ROBO3: variants seen among roughly 807,000 people sequenced by gnomAD.
The protein encoded by ROBO3 is roundabout homolog 3.
A neutral mutation model predicts 160.5 loss-of-function variants in ROBO3; 97 were observed. The ratio of observed to expected loss-of-function variants is 0.60; its 90% CI spans 0.51 to 0.72. ROBO3 has a LOEUF of 0.72. ROBO3 is among the 30% of genes least tolerant of loss of function. The pLI, the probability that ROBO3 is intolerant of heterozygous loss-of-function variation, is 0.00. For missense variants in ROBO3, 1,858 were observed against 1,846.5 expected, an observed-to-expected ratio of 1.01 and a Z score of -0.11; for synonymous variants, 780 against 746.2, an observed-to-expected ratio of 1.05 and a Z score of -0.74.
In ROBO3 at chr11:124,876,037, G is replaced by A. The variant is rs2135334972; in HGVS notation, c.2505G>A (p.Leu835=). Residue 835 remains leucine (L), a synonymous_variant, in exon 16 of 28, where the codon CTG becomes CTA. Transcript: ENST00000397801. This position sits in a 1 kb window ranked among gnomAD's most constrained non-coding sequence, Gnocchi z 5.3. ...CACGCTCCGCAATGCTCCGAGGACT[G>A]GTGCCCGGTCTCCTCTATCGAACCC... ...GWARSAMLRG[L]VPGLLYRTLV... is the part of the protein sequence containing the mutation. The A allele has an allele frequency of 6.2e-7, 1 of 1,607,148 alleles. No homozygotes were observed. The highest frequency in any genetic ancestry group is 8.5e-7 in the Non-Finnish European group (1 of 1,177,536).
intron 15 of ROBO3, 55 bp downstream of exon 15, chr11:124,875,740 G>A (rs2135334329): frequency 1.3e-6 from 2 of 1,554,068 alleles, no homozygotes; most frequent in Non-Finnish European, 8.7e-7. Context: ...GGGAGAGGGA[G>A]GACCTAGTGG....
Position 124,872,794 on chromosome 11 carries a change from G to A in ROBO3, c.1331-90G>A. 8.6e-7 allele frequency: 1 copy of A among 1,165,120 alleles called. No homozygotes were observed. Among genetic ancestry groups the A allele is most frequent in the Middle Eastern group, 3.0e-4 (1 of 3,354 alleles). The allele number at this position is 1,165,120 out of a possible 1,614,324, so 72.2% of individuals were successfully genotyped here. A position where few individuals can be genotyped will look rare whatever the true frequency, so the allele number is the denominator to read the frequency against. On this transcript the variant is annotated intron_variant, in intron 8 of 27. Coordinates refer to ENST00000397801, the MANE Select transcript of ROBO3 (RefSeq NM_022370.4). The surrounding 1 kb of genome is among the most constrained non-coding windows in gnomAD (Gnocchi z 4.3). ...CCGGAAGTTTCAGGGGCTGGGGTAGGGAGGGTGAAGGAGCAGAGAATGAGG... is the reference window on the plus strand; with the variant it reads ...CCGGAAGTTTCAGGGGCTGGGGTAGAGAGGGTGAAGGAGCAGAGAATGAGG...
chr11:124,866,922 T>C (rs1289797634), intron 1 of ROBO3, among the ~76,000 whole-genome samples: 1 of 152,144 alleles, frequency 6.6e-6, no homozygotes, highest in Non-Finnish European at 1.5e-5. Context: ...AGATCCCTTC[T>C]CGCTGGCACC....
chr11:124,869,417 C>T lies in ROBO3; in HGVS notation c.488-33C>T. 1 of 1,516,412 alleles carries T rather than the reference C, an allele frequency of 6.6e-7. No individual in the cohort carries two copies. The highest frequency in any genetic ancestry group is 8.9e-7 in the Non-Finnish European group (1 of 1,117,324). 93.9% of individuals were successfully genotyped at this position (1,516,412 alleles called of 1,614,324 possible). ...CTCAGCCAGTTATGTCACTCTACACCCTGCTTATTTCGCCCCCCACCGCCC... is the reference window on the plus strand; with the variant it reads ...CTCAGCCAGTTATGTCACTCTACACTCTGCTTATTTCGCCCCCCACCGCCC... On this transcript the variant is annotated intron_variant, in intron 2 of 27. Transcript: ENST00000397801. This position sits in a 1 kb window ranked among gnomAD's most constrained non-coding sequence, Gnocchi z 4.2.
In ROBO3 at chr11:124,872,692, A is replaced by G. The variant is rs1565311191; in HGVS notation, c.1330+140A>G. The G allele has an allele frequency of 1.9e-6, 2 of 1,036,938 alleles. No homozygotes were observed. Among genetic ancestry groups the G allele is most frequent in the East Asian group, 2.6e-5 (1 of 38,220 alleles). 64.2% of individuals were successfully genotyped at this position (1,036,938 alleles called of 1,614,324 possible). On this transcript the variant is annotated intron_variant, in intron 8 of 27. Coordinates refer to ENST00000397801, the MANE Select transcript of ROBO3 (RefSeq NM_022370.4). The surrounding 1 kb of genome is among the most constrained non-coding windows in gnomAD (Gnocchi z 4.3). ...CTGAGGCATGACCTTGAAGTTTGGA[A>G]ACCAGCAGCAGAAGCCACTAATAAT...
At position 124,878,923 on chromosome 11, in the gene ROBO3, A is replaced by G. The variant is rs543755680; in HGVS notation, c.3533+127A>G. The G allele has an allele frequency of 3.4e-6, 3 of 880,736 alleles. No individual in the cohort carries two copies. The South Asian group carries it at 5.0e-5, about 15-fold the overall frequency. 54.6% of individuals were successfully genotyped at this position (880,736 alleles called of 1,614,324 possible). A position where few individuals can be genotyped will look rare whatever the true frequency, so the allele number is the denominator to read the frequency against. ...GGTACAGAGGTCTCAGGGCTGTGTC[A>G]GGGTGGAAGTGTAATTTGGGCAGGA... On this transcript the variant is annotated intron_variant, in intron 23 of 27. Coordinates refer to ENST00000397801, the MANE Select transcript of ROBO3 (RefSeq NM_022370.4). The surrounding 1 kb of genome is among the most constrained non-coding windows in gnomAD (Gnocchi z 4.3).
At position 124,876,247 on chromosome 11, in the gene ROBO3, C is replaced by T. The variant is rs769400132; in HGVS notation, c.2594-28C>T. 3.3e-6 allele frequency: 5 copies of T among 1,493,754 alleles called. No homozygotes were observed. In the African/African-American group the frequency reaches 7.0e-5, roughly 21 times the overall value. The allele number at this position is 1,493,754 out of a possible 1,614,324, so 92.5% of individuals were successfully genotyped here. A position where few individuals can be genotyped will look rare whatever the true frequency, so the allele number is the denominator to read the frequency against. ...CCCAGTTCCAGGGTTTCGGGCCCCT[C>T]CTCCCCTCACTTCTCTGACCCCCAC... On this transcript the variant is annotated intron_variant, in intron 16 of 27. Coordinates refer to ENST00000397801, the MANE Select transcript of ROBO3 (RefSeq NM_022370.4). The surrounding 1 kb of genome is among the most constrained non-coding windows in gnomAD (Gnocchi z 5.3).
chr11:124,874,357 C>G (rs1164102909), intron 12 of ROBO3, 121 bp downstream of exon 12: 1 of 916,840 alleles, frequency 1.1e-6, no homozygotes, highest in Non-Finnish European at 1.6e-6. Flanking sequence ...CAGGTCTATA[C>G]TGGTGGCCCG....
chr11:124,880,251 G>C (rs1359791154), intron 26 of ROBO3, among the ~76,000 whole-genome samples, 167 bp from the exon 27 acceptor site: 3 of 152,228 alleles, frequency 2.0e-5, no homozygotes, highest in Non-Finnish European at 4.4e-5. Flanking sequence ...ATGATGTCAA[G>C]GCCATGTGCC....
rs527533899 is a variant in ROBO3, at chr11:124,870,081, A to C, written c.766+13A>C. On this transcript the variant is annotated intron_variant, in intron 4 of 27. Coordinates refer to ENST00000397801, the MANE Select transcript of ROBO3 (RefSeq NM_022370.4). Reference sequence around the variant, plus strand: ...GTCATGGTACTGGGTAGGCACAGGGAATTTTGACATTATGGGAACAGGTAG... The same window carrying C: ...GTCATGGTACTGGGTAGGCACAGGGCATTTTGACATTATGGGAACAGGTAG... 6.2e-7 allele frequency: 1 copy of C among 1,613,830 alleles called. No homozygotes were observed. Among genetic ancestry groups the C allele is most frequent in the African/African-American group, 1.3e-5 (1 of 74,994 alleles).
chr11:124,869,272 T>G lies in ROBO3; in HGVS notation c.487+144T>G. 1 of 1,119,188 alleles carries G rather than the reference T, an allele frequency of 8.9e-7. No individual in the cohort carries two copies. The allele number at this position is 1,119,188 out of a possible 1,614,324, so 69.3% of individuals were successfully genotyped here. On this transcript the variant is annotated intron_variant, in intron 2 of 27. Coordinates refer to ENST00000397801, the MANE Select transcript of ROBO3 (RefSeq NM_022370.4). The surrounding 1 kb of genome is among the most constrained non-coding windows in gnomAD (Gnocchi z 4.2). ...TGGGACCGCGACCTTTGATCTCTAA[T>G]GGCCACACCACGGCCAGAGAAGGAA...
At position 124,879,464 on chromosome 11, in the gene ROBO3, G is replaced by A. The variant is rs752283332; in HGVS notation, c.3686-1G>A. The A allele has an allele frequency of 6.2e-7, 1 of 1,613,628 alleles. No individual in the cohort carries two copies. The highest frequency in any genetic ancestry group is 1.1e-5 in the South Asian group (1 of 91,016). ...CCTCTTCCCGTCTCCTAACACTGCA[G>A]GCAGAACCTGGCAGGGGAATGGGGA... On this transcript the variant is annotated splice_acceptor_variant, in intron 24 of 27. Transcript: ENST00000397801. LOFTEE classifies it high-confidence loss of function.
intron 12 of ROBO3, 130 bp downstream of exon 12, chr11:124,874,366 C>A: frequency 1.2e-6 from 1 of 830,742 alleles, no homozygotes; most frequent in Non-Finnish European, 1.8e-6. Flanking sequence ...ACTGGTGGCC[C>A]GGCCTGGAAT....
rs778999083 is a variant in ROBO3 at position 124,879,922 on chromosome 11, C to T, written c.3932C>T (p.Ala1311Val). The change falls in exon 26 of 28, where the codon GCA becomes GTA. Residue 1311 changes from alanine (A) to valine (V), a missense_variant. By Grantham distance (64) the Ala-to-Val change is moderately conservative. Transcript: ENST00000397801. ...AAAGCGGTCCAGGCCGTGCCCCTGG[C>T]AGCCCAGCGGGTGCTCCACCCAGAT... is the stretch of plus-strand genomic sequence containing the variant. ...ERKAVQAVPL[A>V]AQRVLHPDEE... The T allele has an allele frequency of 2.5e-6, 4 of 1,596,308 alleles. No individual in the cohort carries two copies. The highest frequency in any genetic ancestry group is 2.3e-5 in the South Asian group (2 of 88,302).
intron 25 of ROBO3, 64 bp from the exon 26 acceptor site, chr11:124,879,723 A>G: frequency 1.9e-6 from 3 of 1,601,104 alleles, no homozygotes; most frequent in Non-Finnish European, 2.6e-6. Context: ...CAGGGAATGC[A>G]GGTGAGAGAA....
In ROBO3 at chr11:124,869,270, A is replaced by C; in HGVS notation, c.487+142A>C. 1 of 1,121,746 alleles carries C rather than the reference A, an allele frequency of 8.9e-7. No individual in the cohort carries two copies. Among genetic ancestry groups the C allele is most frequent in the African/African-American group, 1.6e-5 (1 of 64,396 alleles). The allele number at this position is 1,121,746 out of a possible 1,614,324, so 69.5% of individuals were successfully genotyped here. ...TTTGGGACCGCGACCTTTGATCTCT[A>C]ATGGCCACACCACGGCCAGAGAAGG... On this transcript the variant is annotated intron_variant, in intron 2 of 27. Transcript: ENST00000397801. The surrounding 1 kb of genome is among the most constrained non-coding windows in gnomAD (Gnocchi z 4.2).
chr11:124,870,023 A>G lies in ROBO3; in HGVS notation c.721A>G (p.Met241Val). The change falls in exon 4 of 28, where the codon ATG becomes GTG. Residue 241 changes from methionine (M) to valine (V), a missense_variant. Coordinates refer to ENST00000397801, the MANE Select transcript of ROBO3 (RefSeq NM_022370.4). ...AGMYVCVASN[M>V]AGERESAAAE... The stretch of plus-strand genomic sequence containing the variant: ...CATGTATGTGTGCGTAGCCTCCAAC[A>G]TGGCGGGAGAACGGGAGAGTGCGGC... The G allele has an allele frequency of 1.2e-6, 2 of 1,614,048 alleles. No homozygotes were observed. Among genetic ancestry groups the G allele is most frequent in the South Asian group, 1.1e-5 (1 of 91,084 alleles).
intron 25 of ROBO3, 58 bp downstream of exon 25, chr11:124,879,633 A>T (rs1217522347): frequency 6.5e-7 from 1 of 1,538,112 alleles, no homozygotes; most frequent in East Asian, 2.4e-5. Context: ...TAGGCAGGAA[A>T]CCAAGGGTGC....
rs1465636040 is a variant in ROBO3 at position 124,865,507 on chromosome 11, C to T, written c.-71C>T. Reference sequence around the variant, plus strand: ...AGAGGCTGTGGAGGGGCTTACGGCTCCCAGCCCACGGGTCTCAGACCCAGG... The same window carrying T: ...AGAGGCTGTGGAGGGGCTTACGGCTTCCAGCCCACGGGTCTCAGACCCAGG... On this transcript the variant is annotated 5_prime_UTR_variant, in exon 1 of 28. Transcript: ENST00000397801. The surrounding 1 kb of genome is among the most constrained non-coding windows in gnomAD (Gnocchi z 5.5). The T allele has an allele frequency of 1.3e-6, 2 of 1,521,388 alleles. No homozygotes were observed. The highest frequency in any genetic ancestry group is 1.8e-6 in the Non-Finnish European group (2 of 1,121,836). 94.2% of individuals were successfully genotyped at this position (1,521,388 alleles called of 1,614,324 possible).
Sources: allele counts gnomAD v4.1 joint callset (sites outside exome capture counted in the v4.1 genomes callset), GRCh38; gene constraint gnomAD v4.1.1; non-coding constraint Gnocchi (gnomAD v3.1); transcripts MANE v1.5; gene names NCBI Gene and HGNC (gene_info 2026-07-23, HGNC 2026-07-21).